Variants in FIRRM observed in about 807,000 individuals in gnomAD.
FIRRM encodes FIGNL1 interacting regulator of recombination and mitosis, also known as FIGNL1-interacting regulator of recombination and mitosis.
the FIRRM span, among the ~76,000 whole-genome samples, chr1:169,787,002 A>C: frequency 6.6e-6 from 1 of 152,202 alleles, no homozygotes; most frequent in Non-Finnish European, 1.5e-5. Context: ...AGAGCTACAC[A>C]GATACTGTGT....
At chr1:169,816,142 A>T in the FIRRM span, among the ~76,000 whole-genome samples, 2 of 152,248 alleles carry the variant, frequency 1.3e-5, no homozygotes, top group South Asian at 4.1e-4. Context: ...TATATTCTAC[A>T]ACAGTAAAGC....
chr1:169,832,294 A>ATATTACCTACAATCT, the FIRRM span: 1 of 612,804 alleles, frequency 1.6e-6, no homozygotes, highest in South Asian at 2.2e-5. Flanking sequence ...TTAAAAGTCA[A>ATATTACCTACAATCT]TATTACCTAC....
the FIRRM span, among the ~76,000 whole-genome samples, chr1:169,840,370 C>T: frequency 6.6e-6 from 1 of 152,116 alleles, no homozygotes; most frequent in Non-Finnish European, 1.5e-5. Flanking sequence ...GAATGTTTTT[C>T]CATTTGTTTG....
the FIRRM span, among the ~76,000 whole-genome samples, chr1:169,796,219 A>G: frequency 2.0e-5 from 3 of 152,236 alleles, no homozygotes; most frequent in African/African-American, 7.2e-5. Context: ...GCCGTCTTCA[A>G]GGAGTTTCAA....
chr1:169,833,846 CTTTTTTTT>C, the FIRRM span, among the ~76,000 whole-genome samples: 35 of 96,054 alleles, frequency 3.6e-4, no homozygotes, highest in Admixed American at 6.5e-4. Flanking sequence ...AGTCACTTTC[CTTTTTTTT>C]TTTTTTTTTT....
the FIRRM span, among the ~76,000 whole-genome samples, chr1:169,826,498 G>A: frequency 4.6e-5 from 7 of 151,904 alleles, no homozygotes; most frequent in East Asian, 1.4e-3. Flanking sequence ...GAGTAGCTGG[G>A]ATTACAGGCA....
the FIRRM span, chr1:169,795,773 C>T: frequency 2.0e-6 from 2 of 985,248 alleles, no homozygotes; most frequent in Non-Finnish European, 2.4e-6. Context: ...CCCTCTCAGA[C>T]CTCTTTTTCT....
At chr1:169,821,915 GGT>G in the FIRRM span, among the ~76,000 whole-genome samples, 1 of 151,922 alleles carries the variant, frequency 6.6e-6, no homozygotes, top group African/African-American at 2.4e-5. Context: ...TTTAAGTACA[GGT>G]GTGATTTCTT....
At chr1:169,806,241 T>C in the FIRRM span, among the ~76,000 whole-genome samples, 1 of 152,244 alleles carries the variant, frequency 6.6e-6, no homozygotes. Context: ...ATTCTACATG[T>C]AGCTCTCAAG....
At chr1:169,846,146 A>G in the FIRRM span, among the ~76,000 whole-genome samples, 1 of 152,228 alleles carries the variant, frequency 6.6e-6, no homozygotes, top group Non-Finnish European at 1.5e-5. Flanking sequence ...ATTGTCAATG[A>G]GCAGTATATT....
the FIRRM span, chr1:169,793,652 TTTTCCAGATGGTC>T: frequency 6.2e-7 from 1 of 1,612,494 alleles, no homozygotes; most frequent in East Asian, 2.2e-5. Context: ...TGTTAATTCA[TTTTCCAGATGGTC>T]TTCTATAGTG....
the FIRRM span, chr1:169,806,236 A>C: frequency 3.4e-6 from 2 of 587,686 alleles, no homozygotes; most frequent in South Asian, 4.4e-5. Context: ...CAGATATTCT[A>C]CATGTAGCTC....
the FIRRM span, among the ~76,000 whole-genome samples, chr1:169,824,919 T>A: frequency 6.6e-6 from 1 of 152,246 alleles, no homozygotes. Flanking sequence ...ACATCTATAC[T>A]AAATTGTCCC....
the FIRRM span, chr1:169,795,269 C>T: frequency 3.3e-6 from 5 of 1,512,396 alleles, no homozygotes; most frequent in African/African-American, 6.9e-5. Flanking sequence ...GGGTCGCGAA[C>T]CTTTCTCTTC....
chr1:169,837,655 G>A, the FIRRM span, among the ~76,000 whole-genome samples: 1 of 152,106 alleles, frequency 6.6e-6, no homozygotes, highest in Non-Finnish European at 1.5e-5. Flanking sequence ...AAATATATTT[G>A]GAGTACTTTT....
the FIRRM span, among the ~76,000 whole-genome samples, chr1:169,814,904 G>GT: frequency 6.6e-6 from 1 of 152,022 alleles, no homozygotes; most frequent in African/African-American, 2.4e-5. Flanking sequence ...CTGTATTTAG[G>GT]TGTTCTCCAC....
the FIRRM span, among the ~76,000 whole-genome samples, chr1:169,841,418 A>G: frequency 6.6e-6 from 1 of 152,182 alleles, no homozygotes; most frequent in Non-Finnish European, 1.5e-5. Context: ...GGTAAATCTT[A>G]AGAAGTTGTA....
chr1:169,800,049 G>A, the FIRRM span, among the ~76,000 whole-genome samples: 1 of 151,568 alleles, frequency 6.6e-6, no homozygotes, highest in Admixed American at 6.6e-5. Context: ...TTGTTTTGGG[G>A]GACAGGGTCT....
chr1:169,819,088 T>C, the FIRRM span, among the ~76,000 whole-genome samples: 2 of 152,182 alleles, frequency 1.3e-5, no homozygotes, highest in African/African-American at 4.8e-5. Flanking sequence ...GCAGGCACAG[T>C]TGGAACGCAA....
Sources: allele counts gnomAD v4.1 joint callset (sites outside exome capture counted in the v4.1 genomes callset), GRCh38; gene constraint gnomAD v4.1.1; transcripts MANE v1.5; gene names NCBI Gene and HGNC (gene_info 2026-07-23, HGNC 2026-07-21).